Variants in MED9 observed in about 807,000 individuals in gnomAD.
MED9 encodes the protein mediator complex subunit 9, also known as mediator of RNA polymerase II transcription subunit 9.
A neutral mutation model predicts 13.2 loss-of-function variants in MED9; 8 were observed. The ratio of observed to expected loss-of-function variants is 0.61; its 90% CI spans 0.36 to 1.10. The LOEUF (loss-of-function observed/expected upper bound fraction) is 1.10. Ranked by LOEUF, MED9 falls within the 50% of genes least tolerant of loss-of-function variation. The pLI is 0.02. For synonymous variants in MED9, 87 were observed against 82.8 expected (o/e 1.05, Z -0.28); for missense variants, 180 against 193.4 (o/e 0.93, Z 0.41).
chr17:17,486,996 C>T (rs910867376), intron 1 of MED9: 14 of 151,278 alleles, frequency 9.3e-5, no homozygotes, highest in Non-Finnish European at 1.9e-4. Flanking sequence ...ATACACCAAT[C>T]GGCACTCTGT....
At chr17:17,479,876 T>C (rs1328024782) in intron 1 of MED9, among the ~76,000 whole-genome samples, 1 of 152,130 alleles carries the variant, frequency 6.6e-6, no homozygotes, top group African/African-American at 2.4e-5. Flanking sequence ...CAGGGCTAAT[T>C]CATCTACCAA....
intron 1 of MED9, 101 bp from the exon 2 acceptor site, chr17:17,491,178 A>C: frequency 8.7e-7 from 1 of 1,148,078 alleles, no homozygotes; most frequent in African/African-American, 1.5e-5. Flanking sequence ...AAGTGTTCTA[A>C]AAGCTATGGC....
chr17:17,491,560 A>G lies in MED9; in HGVS notation c.*65A>G, dbSNP rs919955604. 18 of 1,441,514 alleles carry G rather than the reference A, an allele frequency of 1.2e-5. No individual in the cohort carries two copies. Among genetic ancestry groups the G allele is most frequent in the Admixed American group, 1.7e-5 (1 of 58,270 alleles). The allele number at this position is 1,441,514 out of a possible 1,614,324, so 89.3% of individuals were successfully genotyped here. A position where few individuals can be genotyped will look rare whatever the true frequency, so the allele number is the denominator to read the frequency against. ...GCCTGTCTCCCCACTACCATCCCCA[A>G]ACGCTCCTTGGGGCGTGGTTCCTGT... On this transcript the variant is annotated 3_prime_UTR_variant, in exon 2 of 2. Coordinates refer to ENST00000268711, the MANE Select transcript of MED9 (RefSeq NM_018019.3).
chr17:17,479,644 G>C (rs899782027), intron 1 of MED9, among the ~76,000 whole-genome samples: 1 of 152,010 alleles, frequency 6.6e-6, no homozygotes, highest in Non-Finnish European at 1.5e-5. Context: ...GGGCAACATG[G>C]CAAAACCCCG....
intron 1 of MED9, chr17:17,487,419 C>T (rs919232854): frequency 1.1e-4 from 19 of 165,278 alleles, no homozygotes; most frequent in African/African-American, 3.8e-4. Flanking sequence ...GTAACACTCA[C>T]CGCGAAGATC....
At position 17,493,057 on chromosome 17, in the gene MED9, A is replaced by C. The variant is rs1597854021; in HGVS notation, c.*1562A>C. The C allele has an allele frequency of 6.6e-6, 1 of 152,204 alleles. No homozygotes were observed. The highest frequency in any genetic ancestry group is 1.9e-4 in the East Asian group (1 of 5,194). The allele number at this position is 152,204 out of a possible 1,614,324, so 9.4% of individuals were successfully genotyped here. A position where few individuals can be genotyped will look rare whatever the true frequency, so the allele number is the denominator to read the frequency against. On this transcript the variant is annotated 3_prime_UTR_variant, in exon 2 of 2. Transcript: ENST00000268711. ...TGACAGATACCACGAAACATGAAGC[A>C]CGTGGAACTACAAGACCCCCGGGGT...
Position 17,483,510 on chromosome 17 carries a change from C to G in MED9, c.224+6245C>G, listed in dbSNP as rs1464556487. Among the ~76,000 whole-genome samples, 1 of 152,212 alleles carries G rather than the reference C, an allele frequency of 6.6e-6. No homozygotes were observed. Among genetic ancestry groups the G allele is most frequent in the Non-Finnish European group, 1.5e-5 (1 of 68,044 alleles). On this transcript the variant is annotated intron_variant, in intron 1 of 1. Transcript: ENST00000268711. The surrounding 1 kb of genome is among the most constrained non-coding windows in gnomAD (Gnocchi z 4.2). ...GAGCCTCTCCTGTACCCCCAGGGAC[C>G]CACCTGGTTCTGGGAGTGCTCTGGC...
intron 1 of MED9, among the ~76,000 whole-genome samples, chr17:17,480,918 C>G (rs556938615): frequency 8.5e-5 from 13 of 152,206 alleles, no homozygotes; most frequent in African/African-American, 2.4e-4. Flanking sequence ...AGTCAGAAGG[C>G]TTGGTAAGAG....
At chr17:17,478,408 T>C (rs542166421) in intron 1 of MED9, among the ~76,000 whole-genome samples, 1 of 152,184 alleles carries the variant, frequency 6.6e-6, no homozygotes, top group Non-Finnish European at 1.5e-5. Context: ...AACGTGAAGG[T>C]CTTGACTGTT....
intron 1 of MED9, chr17:17,487,977 TAGC>T (rs1156239761): frequency 2.6e-5 from 4 of 152,272 alleles, no homozygotes; most frequent in Non-Finnish European, 5.9e-5. Context: ...CACCACATGT[TAGC>T]AGAGGTTATC....
At chr17:17,479,191 C>G (rs1904983702) in intron 1 of MED9, among the ~76,000 whole-genome samples, 1 of 152,186 alleles carries the variant, frequency 6.6e-6, no homozygotes, top group Non-Finnish European at 1.5e-5. Flanking sequence ...TTAGACAGCC[C>G]TGTGTTCAAA....
At chr17:17,478,097 G>C (rs866426144) in intron 1 of MED9, among the ~76,000 whole-genome samples, 1 of 152,160 alleles carries the variant, frequency 6.6e-6, no homozygotes, top group African/African-American at 2.4e-5. Flanking sequence ...CTGGCCTCAA[G>C]CCATCCTCCC....
rs777927168 is a variant in MED9 at position 17,477,045 on chromosome 17, G to T, written c.4G>T (p.Ala2Ser). ...TGGCTAACCTACCCCCGGAGCCATG[G>T]CCTCTGCTGGGGTGGCAGCCGGGCG... MASAGVAAGRQA... is the reference protein window; with the variant it reads MSSAGVAAGRQA... The change falls in exon 1 of 2, where the codon GCC (alanine) becomes TCC (serine). Residue 2 changes from alanine to serine, a missense_variant. By Grantham distance (99) the Ala-to-Ser change is moderately conservative (BLOSUM62 1). Transcript: ENST00000268711. 6.2e-6 allele frequency: 10 copies of T among 1,605,784 alleles called. No homozygotes were observed. In the East Asian group the frequency reaches 1.6e-4, roughly 25 times the overall value.
In MED9 at chr17:17,485,029, G is replaced by A. The variant is rs931154849; in HGVS notation, c.225-6250G>A. 19 of 214,694 alleles carry A rather than the reference G, an allele frequency of 8.8e-5. No homozygotes were observed. The South Asian group carries it at 3.0e-3, about 34-fold the overall frequency. 13.3% of individuals were successfully genotyped at this position (214,694 alleles called of 1,614,324 possible). ...TTATTTTATTTTTTATTTTTGAAAT[G>A]GAGTCTCACTCTGTCGCCCAGGCTG... On this transcript the variant is annotated intron_variant, in intron 1 of 1. Transcript: ENST00000268711.
At chr17:17,477,376 T>C in intron 1 of MED9, 111 bp downstream of exon 1, 1 of 1,229,416 alleles carries the variant, frequency 8.1e-7, no homozygotes, top group South Asian at 1.5e-5. Flanking sequence ...GTTTCACAGA[T>C]GGGGAAACTC....
chr17:17,490,428 T>G (rs1905208657), intron 1 of MED9, among the ~76,000 whole-genome samples: 1 of 152,162 alleles, frequency 6.6e-6, no homozygotes, highest in Admixed American at 6.5e-5. Context: ...GGCGACAGAG[T>G]GAGACCCTGT....
rs1905254025 is a variant in MED9 at position 17,492,387 on chromosome 17, G to T, written c.*892G>T. 6.6e-6 allele frequency: 1 copy of T among 152,304 alleles called. No homozygotes were observed. Among genetic ancestry groups the T allele is most frequent in the Non-Finnish European group, 1.5e-5 (1 of 68,084 alleles). The allele number at this position is 152,304 out of a possible 1,614,324, so 9.4% of individuals were successfully genotyped here. On this transcript the variant is annotated 3_prime_UTR_variant, in exon 2 of 2. Coordinates refer to ENST00000268711, the MANE Select transcript of MED9 (RefSeq NM_018019.3). ...TCTGGTTAAAAGGTCTTTCCCTCGT[G>T]GCCTTTGCACTTGCGGCAGCAACGT...
chr17:17,492,430 G>A lies in MED9; in HGVS notation c.*935G>A, dbSNP rs1905254935. The A allele has an allele frequency of 6.6e-6, 1 of 152,114 alleles. No individual in the cohort carries two copies. The highest frequency in any genetic ancestry group is 6.5e-5 in the Admixed American group (1 of 15,290). 9.4% of individuals were successfully genotyped at this position (152,114 alleles called of 1,614,324 possible). A position where few individuals can be genotyped will look rare whatever the true frequency, so the allele number is the denominator to read the frequency against. On this transcript the variant is annotated 3_prime_UTR_variant, in exon 2 of 2. Coordinates refer to ENST00000268711, the MANE Select transcript of MED9 (RefSeq NM_018019.3). ...AGCAACGTGTACTACACTGCAGAAGGGTTCAGTATGCACCTTGTGTTGAGA... is the reference window on the plus strand; with the variant it reads ...AGCAACGTGTACTACACTGCAGAAGAGTTCAGTATGCACCTTGTGTTGAGA...
intron 1 of MED9, among the ~76,000 whole-genome samples, chr17:17,480,802 C>T (rs1238108820): frequency 6.6e-6 from 1 of 152,068 alleles, no homozygotes; most frequent in Non-Finnish European, 1.5e-5. Flanking sequence ...AGGCTAGGAT[C>T]CAACCTGCAA....
Sources: allele counts gnomAD v4.1 joint callset (sites outside exome capture counted in the v4.1 genomes callset), GRCh38; gene constraint gnomAD v4.1.1; non-coding constraint Gnocchi (gnomAD v3.1); transcripts MANE v1.5; gene names NCBI Gene and HGNC (gene_info 2026-07-23, HGNC 2026-07-21).